Variants in TIMP4 observed in about 807,000 individuals in gnomAD.
TIMP4 encodes the protein TIMP metallopeptidase inhibitor 4.
Under a neutral mutation model 27.3 loss-of-function variants are expected in TIMP4, and 28 were observed. The observed-to-expected ratio is 1.03, with a 90% CI of 0.76 to 1.41. TIMP4 has a LOEUF of 1.41. Among genes scored for constraint, TIMP4 ranks in the 40% most tolerant of loss-of-function variants. The pLI is 0.00. For synonymous variants in TIMP4, 138 were observed against 115.5 expected, an observed-to-expected ratio of 1.20 and a Z score of -1.25; for missense variants, 307 against 285.5, an observed-to-expected ratio of 1.08 and a Z score of -0.54.
intron 3 of TIMP4, among the ~76,000 whole-genome samples, chr3:12,156,470 C>G (rs1697460463): frequency 6.6e-6 from 1 of 152,190 alleles, no homozygotes; most frequent in South Asian, 2.1e-4. Flanking sequence ...AGTTGACCTG[C>G]AAGGAGCAGT....
At chr3:12,156,530 A>C (rs940262915) in intron 3 of TIMP4, among the ~76,000 whole-genome samples, 38 of 152,232 alleles carry the variant, frequency 2.5e-4, no homozygotes, top group African/African-American at 9.2e-4. Context: ...ATACTAATTT[A>C]AACTATTTGA....
rs890057543 is a variant in TIMP4, at chr3:12,153,416, C to T, written c.*99G>A. ...CCACTTGGCACTTCTTATTAGCTGGCAGCAAGAGGTCAGGTGGTAATGGCC... is the reference window on the plus strand; with the variant it reads ...CCACTTGGCACTTCTTATTAGCTGGTAGCAAGAGGTCAGGTGGTAATGGCC... On this transcript the variant is annotated 3_prime_UTR_variant, in exon 5 of 5. Coordinates refer to ENST00000287814, the MANE Select transcript of TIMP4 (RefSeq NM_003256.4). 11 of 1,373,272 alleles carry T rather than the reference C, an allele frequency of 8.0e-6. No individual in the cohort carries two copies. In the Admixed American group the frequency reaches 1.5e-4, roughly 19 times the overall value. 85.1% of individuals were successfully genotyped at this position (1,373,272 alleles called of 1,614,324 possible). A position where few individuals can be genotyped will look rare whatever the true frequency, so the allele number is the denominator to read the frequency against.
intron 4 of TIMP4, 112 bp from the exon 5 acceptor site, chr3:12,153,824 A>G: frequency 8.5e-7 from 1 of 1,173,504 alleles, no homozygotes; most frequent in African/African-American, 1.5e-5. Context: ...CCCCTATCTT[A>G]TCAAGCCTTT....
Position 12,153,116 on chromosome 3 carries a change from C to A in TIMP4, c.*399G>T. On this transcript the variant is annotated 3_prime_UTR_variant, in exon 5 of 5. Coordinates refer to ENST00000287814, the MANE Select transcript of TIMP4 (RefSeq NM_003256.4). ...CAGCCTGTTTATGATGCTGTCAAAC[C>A]ACCTTCTGATACTGTACATCGCAAG... is the stretch of plus-strand genomic sequence containing the variant. 3.9e-6 allele frequency: 1 copy of A among 255,856 alleles called. No homozygotes were observed. The allele number at this position is 255,856 out of a possible 1,614,324, so 15.8% of individuals were successfully genotyped here.
intron 3 of TIMP4, 138 bp from the exon 4 acceptor site, chr3:12,154,589 G>C (rs1184732017): frequency 1.2e-6 from 1 of 838,130 alleles, no homozygotes; most frequent in African/African-American, 1.7e-5. Flanking sequence ...TCAGTGAAGG[G>C]ACCAATAAAT....
At chr3:12,158,628 C>G in intron 1 of TIMP4, 74 bp downstream of exon 1, 2 of 1,583,516 alleles carry the variant, frequency 1.3e-6, no homozygotes, top group Non-Finnish European at 1.7e-6. Context: ...CTCTGGACTC[C>G]TGGTGTACTG....
chr3:12,158,795 G>A lies in TIMP4; in HGVS notation c.46C>T (p.Arg16Trp), dbSNP rs762681722. 12 of 1,602,550 alleles carry A rather than the reference G, an allele frequency of 7.5e-6. No homozygotes were observed. The highest frequency in any genetic ancestry group is 3.3e-5 in the Admixed American group (2 of 59,740). ...RPAPSWVLLL[R>W]LLALLRPPGL... Reference sequence around the variant, plus strand: ...GGGGGCCGCAGCAACGCCAGCAGCCGCAGCAACAGCACCCAGCTTGGCGCG... The same window carrying A: ...GGGGGCCGCAGCAACGCCAGCAGCCACAGCAACAGCACCCAGCTTGGCGCG... Residue 16 changes from arginine to tryptophan, a missense_variant, in exon 1 of 5, where the codon CGG (arginine) becomes TGG (tryptophan). Arg to Trp is a moderately radical substitution (Grantham distance 101, BLOSUM62 -3). Transcript: ENST00000287814.
Position 12,158,059 on chromosome 3 carries a change from C to T in TIMP4, c.140-577G>A, listed in dbSNP as rs368808774. On this transcript the variant is annotated intron_variant, in intron 1 of 4. Transcript: ENST00000287814. ...GATTAAGACAGGGTCCCCATCCTGC[C>T]GAGCTCTTGATCTAGTGGAGTGCAC... Among the ~76,000 whole-genome samples the T allele has an allele frequency of 1.1e-4, 16 of 152,254 alleles. No homozygotes were observed. In the East Asian group the frequency reaches 1.2e-3, roughly 11 times the overall value.
chr3:12,158,796 C>A lies in TIMP4; in HGVS notation c.45G>T (p.Leu15=). 6.2e-7 allele frequency: 1 copy of A among 1,603,050 alleles called. No individual in the cohort carries two copies. Among genetic ancestry groups the A allele is most frequent in the Non-Finnish European group, 8.5e-7 (1 of 1,178,094 alleles). Residue 15 remains leucine (L), a synonymous_variant, in exon 1 of 5, where the codon CTG becomes CTT. Transcript: ENST00000287814. ...GGGGCCGCAGCAACGCCAGCAGCCG[C>A]AGCAACAGCACCCAGCTTGGCGCGG... ...PRPAPSWVLL[L]RLLALLRPPG...
At chr3:12,157,976 G>A (rs1272002224) in intron 1 of TIMP4, among the ~76,000 whole-genome samples, 2 of 152,222 alleles carry the variant, frequency 1.3e-5, no homozygotes, top group African/African-American at 2.4e-5. Flanking sequence ...ACCAAAAACT[G>A]TTGATGATGT....
intron 4 of TIMP4, among the ~76,000 whole-genome samples, 198 bp from the exon 5 acceptor site, chr3:12,153,910 C>G (rs1697377931): frequency 6.6e-6 from 1 of 152,210 alleles, no homozygotes; most frequent in South Asian, 2.1e-4. Context: ...AGTGGCATCT[C>G]TGGAGTCAGA....
At position 12,157,385 on chromosome 3, in the gene TIMP4, CT is replaced by C; in HGVS notation, c.236del (p.Lys79ArgfsTer26). 1 of 1,614,056 alleles carries C rather than the reference CT, an allele frequency of 6.2e-7. No homozygotes were observed. The highest frequency in any genetic ancestry group is 8.5e-7 in the Non-Finnish European group (1 of 1,179,964). The stretch of plus-strand genomic sequence containing the variant: ...CACATCCCAGCCTGCCCCCATGTAC[CT>C]TTATCTGTTTGATTTCATACCGGAG... ...KMLRYEIKQIKMFKGFEKVKD... is the reference protein window; with the variant it reads ...KMLRYEIKQIXMFKGFEKVKD... On this transcript the variant is annotated frameshift_variant and splice_region_variant, in exon 2 of 5. Transcript: ENST00000287814. LOFTEE classifies it high-confidence loss of function.
At position 12,153,680 on chromosome 3, in the gene TIMP4, G is replaced by A. The variant is rs1331712221; in HGVS notation, c.510C>T (p.Ile170=). The A allele has an allele frequency of 6.2e-7, 1 of 1,614,232 alleles. No homozygotes were observed. The highest frequency in any genetic ancestry group is 1.1e-5 in the South Asian group (1 of 91,084). ...ITTCYTVPCT[I]SAPNECLWTD... ...TCCAGAGGCACTCGTTAGGGGCCGA[G>A]ATGGTACAGGGTACTGTGTAGCAGG... The change falls in exon 5 of 5, where the codon ATC becomes ATT. Residue 170 remains isoleucine, a synonymous_variant. Transcript: ENST00000287814.
intron 2 of TIMP4, among the ~76,000 whole-genome samples, chr3:12,157,140 A>G (rs1446837495): frequency 6.6e-6 from 1 of 152,204 alleles, no homozygotes; most frequent in Non-Finnish European, 1.5e-5. Flanking sequence ...GGTTTATTCC[A>G]GTAGGTACCT....
In TIMP4 at chr3:12,153,692, T is replaced by A; in HGVS notation, c.498A>T (p.Val166=). The A allele has an allele frequency of 5.0e-6, 8 of 1,614,192 alleles. No individual in the cohort carries two copies. The highest frequency in any genetic ancestry group is 6.8e-6 in the Non-Finnish European group (8 of 1,180,042). ...CGTTAGGGGCCGAGATGGTACAGGG[T>A]ACTGTGTAGCAGGTGGTGATCTAGA... The part of the protein sequence containing the change: ...CGCQITTCYT[V]PCTISAPNEC... Residue 166 remains valine, a synonymous_variant, in exon 5 of 5, where the codon GTA becomes GTT. Transcript: ENST00000287814.
At chr3:12,158,643 C>T in intron 1 of TIMP4, 59 bp downstream of exon 1, 1 of 1,598,916 alleles carries the variant, frequency 6.3e-7, no homozygotes, top group Non-Finnish European at 8.5e-7. Context: ...GTACTGCTGG[C>T]CAGATACTAA....
chr3:12,153,545 C>A lies in TIMP4; in HGVS notation c.645G>T (p.Arg215Ser). Residue 215 changes from arginine (R) to serine (S), a missense_variant, in exon 5 of 5, where the codon AGG (arginine) becomes AGT (serine). By Grantham distance (110) the Arg-to-Ser change is moderately radical. Transcript: ENST00000287814. ...CSWYRGHLPL[R>S]KEFVDIVQP ...GCTGAACGATGTCAACAAACTCCTT[C>A]CTGAGAGGCAGGTGGCCCCGGTACC... 6.2e-7 allele frequency: 1 copy of A among 1,613,940 alleles called. No homozygotes were observed. The highest frequency in any genetic ancestry group is 8.5e-7 in the Non-Finnish European group (1 of 1,180,008).
rs1014787876 is a variant in TIMP4 at position 12,153,405 on chromosome 3, TTATTAGCTGGCAGCAA to T, written c.*94_*109del. ...GGCCAGACTGTCCACTTGGCACTTC[TTATTAGCTGGCAGCAA>T]GAGGTCAGGTGGTAATGGCCAAAGC... On this transcript the variant is annotated 3_prime_UTR_variant, in exon 5 of 5. Transcript: ENST00000287814. 7 of 1,300,522 alleles carry T rather than the reference TTATTAGCTGGCAGCAA, an allele frequency of 5.4e-6. No individual in the cohort carries two copies. The African/African-American group carries it at 8.7e-5, about 16-fold the overall frequency. The allele number at this position is 1,300,522 out of a possible 1,614,324, so 80.6% of individuals were successfully genotyped here.
rs758586407 is a variant in TIMP4 at position 12,158,690 on chromosome 3, C to T, written c.139+12G>A. 2 of 1,609,854 alleles carry T rather than the reference C, an allele frequency of 1.2e-6. No homozygotes were observed. Among genetic ancestry groups the T allele is most frequent in the Non-Finnish European group, 1.7e-6 (2 of 1,179,544 alleles). On this transcript the variant is annotated intron_variant, in intron 1 of 4. Transcript: ENST00000287814. ...CACCCCCTGCTGTGGACCTCGCGGA[C>T]CTCGGACTCACCAAGTGCCGAGTGG... is the stretch of plus-strand genomic sequence containing the variant.
Sources: allele counts gnomAD v4.1 joint callset (sites outside exome capture counted in the v4.1 genomes callset), GRCh38; gene constraint gnomAD v4.1.1; transcripts MANE v1.5; gene names NCBI Gene and HGNC (gene_info 2026-07-23, HGNC 2026-07-21).